Variants in ELK3 observed in about 807,000 individuals in gnomAD.
The protein encoded by ELK3 is ETS domain-containing protein Elk-3.
Under a neutral mutation model 28.9 loss-of-function variants are expected in ELK3, and 10 were observed. The ratio of observed to expected loss-of-function variants is 0.35; its 90% confidence interval spans 0.21 to 0.59. The LOEUF (loss-of-function observed/expected upper bound fraction) is 0.59, where lower values mean the gene tolerates loss of function less well. ELK3 is among the 20% of genes least tolerant of loss of function. The pLI is 0.82. For synonymous variants in ELK3, 272 were observed against 243.5 expected (o/e 1.12, Z -1.09); for missense variants, 463 against 517.3 (o/e 0.90, Z 1.02).
At chr12:96,219,736 C>G (rs1300420173) in intron 1 of ELK3, among the ~76,000 whole-genome samples, 1 of 152,152 alleles carries the variant, frequency 6.6e-6, no homozygotes, top group African/African-American at 2.4e-5. Context: ...TGAGCGTAGA[C>G]AGGAGTGACT....
intron 1 of ELK3, among the ~76,000 whole-genome samples, chr12:96,215,652 A>G (rs1261583587): frequency 6.8e-6 from 1 of 146,208 alleles, no homozygotes; most frequent in Non-Finnish European, 1.5e-5. Context: ...TTTTTTTTTA[A>G]AGAGAGATGG....
At chr12:96,250,175 C>T (rs1951892590) in intron 3 of ELK3, among the ~76,000 whole-genome samples, 1 of 152,196 alleles carries the variant, frequency 6.6e-6, no homozygotes, top group Non-Finnish European at 1.5e-5. Context: ...TCACCAGCTA[C>T]ACTGGGAGAT....
chr12:96,211,200 T>C (rs1191779280), intron 1 of ELK3, among the ~76,000 whole-genome samples: 1 of 152,170 alleles, frequency 6.6e-6, no homozygotes, highest in East Asian at 1.9e-4. Context: ...AAAGAAAAGC[T>C]CCTATTTAAT....
chr12:96,224,388 C>T (rs1259008651), intron 2 of ELK3, among the ~76,000 whole-genome samples: 1 of 146,266 alleles, frequency 6.8e-6, no homozygotes, highest in Non-Finnish European at 1.5e-5. Flanking sequence ...CGTGTAAGTA[C>T]TTAGAACACT....
intron 3 of ELK3, among the ~76,000 whole-genome samples, chr12:96,257,508 A>G (rs1355943869): frequency 3.9e-5 from 6 of 152,250 alleles, no homozygotes; most frequent in Admixed American, 2.0e-4. Flanking sequence ...TAGACCTTGT[A>G]CATTGCTTAG....
At chr12:96,209,916 C>CTT (rs79776657) in intron 1 of ELK3, among the ~76,000 whole-genome samples, 8 of 142,266 alleles carry the variant, frequency 5.6e-5, no homozygotes, top group East Asian at 2.0e-4. Flanking sequence ...ACTTTTTCTC[C>CTT]TTTTTTTTTT....
intron 2 of ELK3, among the ~76,000 whole-genome samples, chr12:96,236,464 A>G (rs1446245542): frequency 6.6e-6 from 1 of 152,188 alleles, no homozygotes; most frequent in Non-Finnish European, 1.5e-5. Flanking sequence ...AAGAAACCTC[A>G]ACCCAAACCA....
intron 1 of ELK3, among the ~76,000 whole-genome samples, chr12:96,217,752 A>G (rs1231007329): frequency 6.6e-6 from 1 of 152,028 alleles, no homozygotes; most frequent in African/African-American, 2.4e-5. Flanking sequence ...CTTGGCCAAC[A>G]TGGTGAAACC....
chr12:96,241,272 A>G (rs2137028972), intron 2 of ELK3, among the ~76,000 whole-genome samples: 1 of 152,356 alleles, frequency 6.6e-6, no homozygotes, highest in African/African-American at 2.4e-5. Flanking sequence ...AACATCATCA[A>G]GAAGGTAAAT....
At chr12:96,264,819 TATTGATG>T (rs1952017767) in intron 4 of ELK3, among the ~76,000 whole-genome samples, 1 of 152,208 alleles carries the variant, frequency 6.6e-6, no homozygotes, top group Non-Finnish European at 1.5e-5. Context: ...AGTTAACATT[TATTGATG>T]ATTGATGACT....
At position 96,247,236 on chromosome 12, in the gene ELK3, G is replaced by T. The variant is rs1209460444; in HGVS notation, c.504G>T (p.Glu168Asp). 1.2e-6 allele frequency: 2 copies of T among 1,614,098 alleles called. No homozygotes were observed. The highest frequency in any genetic ancestry group is 2.7e-5 in the African/African-American group (2 of 74,940). ...FKAIKTEKLE[E>D]PPEDSPPVEE... ...CCATCAAGACGGAGAAGCTGGAGGA[G>T]CCGCCCGAAGACAGCCCCCCCGTGG... Residue 168 changes from glutamate to aspartate, a missense_variant, in exon 3 of 5, where the codon GAG becomes GAT. Glu to Asp is a conservative substitution (Grantham distance 45). Transcript: ENST00000228741. The surrounding 1 kb of genome is among the most constrained non-coding windows in gnomAD (Gnocchi z 5.5).
At chr12:96,254,128 C>T (rs1222841810) in intron 3 of ELK3, among the ~76,000 whole-genome samples, 1 of 152,150 alleles carries the variant, frequency 6.6e-6, no homozygotes, top group Admixed American at 6.5e-5. Context: ...AGTTCAAGAC[C>T]AACCTGGCCA....
intron 1 of ELK3, among the ~76,000 whole-genome samples, chr12:96,210,597 A>ACACACACACACACACC (rs1416746905): frequency 3.4e-5 from 5 of 149,068 alleles, no homozygotes; most frequent in East Asian, 3.9e-4. Context: ...ACACACACAC[A>ACACACACACACACACC]CCCCGAGTGG....
chr12:96,258,349 T>C (rs527442335), intron 3 of ELK3, among the ~76,000 whole-genome samples: 1 of 152,220 alleles, frequency 6.6e-6, no homozygotes, highest in African/African-American at 2.4e-5. Flanking sequence ...ACTCAAATAA[T>C]TTGGTATAAA....
intron 2 of ELK3, among the ~76,000 whole-genome samples, chr12:96,225,436 T>G (rs150956685): frequency 4.6e-5 from 7 of 152,356 alleles, no homozygotes; most frequent in African/African-American, 1.4e-4. Flanking sequence ...CTTATCTCCC[T>G]TGGGCAGATT....
At chr12:96,238,899 G>T (rs1395663905) in intron 2 of ELK3, among the ~76,000 whole-genome samples, 1 of 152,144 alleles carries the variant, frequency 6.6e-6, no homozygotes, top group East Asian at 1.9e-4. Context: ...CCTTGGCCCT[G>T]TCGGATTTAC....
At chr12:96,262,828 T>G (rs1452719735) in intron 4 of ELK3, among the ~76,000 whole-genome samples, 1 of 152,030 alleles carries the variant, frequency 6.6e-6, no homozygotes, top group Non-Finnish European at 1.5e-5. Flanking sequence ...TTTTTTTTTT[T>G]TTAAATTTAG....
chr12:96,223,988 T>G (rs1951681665), intron 2 of ELK3: 6 of 558,428 alleles, frequency 1.1e-5, no homozygotes, highest in Admixed American at 6.2e-5. Context: ...ATTTTGTTTC[T>G]TCTGCATTTT....
intron 3 of ELK3, among the ~76,000 whole-genome samples, chr12:96,253,356 T>TC (rs1256847456): frequency 6.6e-6 from 1 of 152,244 alleles, no homozygotes; most frequent in Non-Finnish European, 1.5e-5. Context: ...ACCCCAGTCT[T>TC]CATGACTCTG....
Sources: gnomAD v4.1 joint callset for allele counts (sites outside exome capture counted in the v4.1 genomes callset) on GRCh38, gnomAD v4.1.1 for gene constraint, Gnocchi (gnomAD v3.1) non-coding constraint, MANE v1.5 for transcripts, NCBI Gene and HGNC (gene_info 2026-07-23, HGNC 2026-07-21) for gene names.